NES: variants seen among roughly 807,000 people sequenced by gnomAD.
NES encodes nestin.
A neutral mutation model predicts 35.6 loss-of-function variants in NES; 27 were observed. The observed-to-expected ratio is 0.76, with a 90% CI of 0.56 to 1.04. The LOEUF (loss-of-function observed/expected upper bound fraction) is 1.04, where lower values mean the gene tolerates loss of function less well. Ranked by LOEUF, NES falls within the 50% of genes least tolerant of loss-of-function variation. The pLI, the probability that NES is intolerant of heterozygous loss-of-function variation, is 0.00. For synonymous variants in NES, 822 were observed against 824.2 expected (o/e 1.00, Z 0.04); for missense variants, 1,867 against 1,983.6 (o/e 0.94, Z 1.12).
At position 156,676,943 on chromosome 1, in the gene NES, C is replaced by T. The variant is rs765015477; in HGVS notation, c.322G>A (p.Glu108Lys). 7.1e-6 allele frequency: 11 copies of T among 1,554,506 alleles called. No individual in the cohort carries two copies. Among genetic ancestry groups the T allele is most frequent in the African/African-American group, 1.4e-5 (1 of 72,142 alleles). The change falls in exon 1 of 4, where the codon GAG becomes AAG. Residue 108 changes from glutamate (E) to lysine (K), a missense_variant. Physicochemically the swap from Glu to Lys is moderately conservative, Grantham distance 56. Coordinates refer to ENST00000368223, the MANE Select transcript of NES (RefSeq NM_006617.2). The surrounding 1 kb of genome is among the most constrained non-coding windows in gnomAD (Gnocchi z 5.3). ...ACGGCGCGCCGGTTGCGGGCTACCT[C>T]CTCCGTCGTCCGCTCCCGGGCCAGC... Reference protein sequence around the residue: ...LRLARERTTEEVARNRRAVEA... With the variant: ...LRLARERTTEKVARNRRAVEA...
Position 156,672,365 on chromosome 1 carries a change from T to G in NES, c.1823A>C (p.Lys608Thr). The change falls in exon 4 of 4, where the codon AAA becomes ACA. Residue 608 changes from lysine to threonine, a missense_variant. Coordinates refer to ENST00000368223, the MANE Select transcript of NES (RefSeq NM_006617.2). The part of the protein sequence containing the change: ...KDVEVVRPLE[K>T]EAVGQLKPTG... ...AGGCTTAAGTTGGCCTACAGCCTCT[T>G]TTTCTAGAGGTCTCACTACCTCCAC... 2.5e-6 allele frequency: 4 copies of G among 1,613,060 alleles called. No homozygotes were observed. Among genetic ancestry groups the G allele is most frequent in the Non-Finnish European group, 3.4e-6 (4 of 1,179,858 alleles).
At position 156,676,845 on chromosome 1, in the gene NES, T is replaced by C. The variant is rs1647309742; in HGVS notation, c.420A>G (p.Leu140=). The change falls in exon 1 of 4, where the codon CTA becomes CTG. Residue 140 remains leucine (L), a synonymous_variant. Coordinates refer to ENST00000368223, the MANE Select transcript of NES (RefSeq NM_006617.2). The surrounding 1 kb of genome is among the most constrained non-coding windows in gnomAD (Gnocchi z 5.3). ...VAELERELEA[L]RVAHEEERVG... ...CGCGCTCCTCCTCGTGCGCCACGCG[T>C]AGAGCCTCTAGCTCGCGCTCCAGCT... 6.7e-7 allele frequency: 1 copy of C among 1,492,508 alleles called. No homozygotes were observed. The highest frequency in any genetic ancestry group is 1.3e-5 in the South Asian group (1 of 76,104). The allele number at this position is 1,492,508 out of a possible 1,614,324, so 92.5% of individuals were successfully genotyped here. A position where few individuals can be genotyped will look rare whatever the true frequency, so the allele number is the denominator to read the frequency against.
chr1:156,672,573 C>T lies in NES; in HGVS notation c.1615G>A (p.Val539Ile), dbSNP rs780832107. The change falls in exon 4 of 4, where the codon GTT (valine) becomes ATT (isoleucine). Residue 539 changes from valine (V) to isoleucine (I), a missense_variant. By Grantham distance (29) the Val-to-Ile change is conservative. Coordinates refer to ENST00000368223, the MANE Select transcript of NES (RefSeq NM_006617.2). ...LNRKEIQDSQ[V>I]PLEKETLKSL... is the part of the protein sequence containing the mutation. Reference sequence around the variant, plus strand: ...TTCAGGGTTTCTTTTTCCAAAGGAACCTGGGAGTCCTGGATTTCCTTCCTG... The same window carrying T: ...TTCAGGGTTTCTTTTTCCAAAGGAATCTGGGAGTCCTGGATTTCCTTCCTG... The T allele has an allele frequency of 1.2e-6, 2 of 1,613,802 alleles. No homozygotes were observed. Among genetic ancestry groups the T allele is most frequent in the Admixed American group, 3.3e-5 (2 of 60,018 alleles).
chr1:156,671,254 T>C lies in NES; in HGVS notation c.2934A>G (p.Ala978=). Residue 978 remains alanine (A), a synonymous_variant, in exon 4 of 4, where the codon GCA becomes GCG. Transcript: ENST00000368223. ...CATCCTGCTCCCTCAGATTCAGCTCTGCCTCATCCTCATTTTCCACTCCAG... is the reference window on the plus strand; with the variant it reads ...CATCCTGCTCCCTCAGATTCAGCTCCGCCTCATCCTCATTTTCCACTCCAG... The part of the protein sequence containing the change: ...GMAGVENEDE[A]ELNLREQDGF... 2 of 1,614,176 alleles carry C rather than the reference T, an allele frequency of 1.2e-6. No individual in the cohort carries two copies. The highest frequency in any genetic ancestry group is 1.7e-6 in the Non-Finnish European group (2 of 1,180,026).
chr1:156,672,631 C>T lies in NES; in HGVS notation c.1557G>A (p.Leu519=), dbSNP rs529085482. 5.0e-6 allele frequency: 8 copies of T among 1,613,940 alleles called. No individual in the cohort carries two copies. The African/African-American group carries it at 5.3e-5, about 11-fold the overall frequency. ...CCTCTTCTTCCCATATTTCCTGCTG[C>T]AAGCTGCTTACCACTTTGCCCTCTA... is the stretch of plus-strand genomic sequence containing the variant. ...TAIEGKVVSS[L]QQEIWEEEDL... is the part of the protein sequence containing the mutation. Residue 519 remains leucine (L), a synonymous_variant, in exon 4 of 4, where the codon TTG becomes TTA. Coordinates refer to ENST00000368223, the MANE Select transcript of NES (RefSeq NM_006617.2).
In NES at chr1:156,670,999, T is replaced by G; in HGVS notation, c.3189A>C (p.Ile1063=). The stretch of plus-strand genomic sequence containing the variant: ...CCACATCATCTTCCACCAGGGGCTC[T>G]ATCGCCTCTGGCAGCCCCTGGGGAG... ...LQAPQGLPEA[I]EPLVEDDVAP... Residue 1063 remains isoleucine, a synonymous_variant, in exon 4 of 4, where the codon ATA becomes ATC. Transcript: ENST00000368223. The G allele has an allele frequency of 6.2e-7, 1 of 1,611,368 alleles. No homozygotes were observed. The highest frequency in any genetic ancestry group is 8.5e-7 in the Non-Finnish European group (1 of 1,179,098).
rs751569478 is a variant in NES, at chr1:156,669,304, C to T, written c.*18G>A. ...CCCCGCACCCCTAAGTCCCCAGTGC[C>T]GGGCAGATGGTCTTTTCCTAGTCCT... On this transcript the variant is annotated 3_prime_UTR_variant, in exon 4 of 4. Transcript: ENST00000368223. The T allele has an allele frequency of 7.9e-6, 12 of 1,520,052 alleles. No individual in the cohort carries two copies. The highest frequency in any genetic ancestry group is 4.1e-5 in the Admixed American group (2 of 48,586). The allele number at this position is 1,520,052 out of a possible 1,614,324, so 94.2% of individuals were successfully genotyped here.
At position 156,677,134 on chromosome 1, in the gene NES, C is replaced by A. The variant is rs1213149502; in HGVS notation, c.131G>T (p.Arg44Leu). ...ELLSAELGGL[R>L]AQSADTSWRA... ...CCAGGAGGTGTCCGCGGATTGTGCC[C>A]GGAGCCCCCCGAGCTCCGCGCTGAG... is the stretch of plus-strand genomic sequence containing the variant. Residue 44 changes from arginine to leucine, a missense_variant, in exon 1 of 4, where the codon CGG becomes CTG. Physicochemically the swap from Arg to Leu is moderately radical, Grantham distance 102. Transcript: ENST00000368223. The surrounding 1 kb of genome is among the most constrained non-coding windows in gnomAD (Gnocchi z 4.5). The A allele has an allele frequency of 6.2e-7, 1 of 1,608,852 alleles. No homozygotes were observed. Among genetic ancestry groups the A allele is most frequent in the Non-Finnish European group, 8.5e-7 (1 of 1,178,398 alleles).
Position 156,671,719 on chromosome 1 carries a change from T to A in NES, c.2469A>T (p.Thr823=), listed in dbSNP as rs769017144. ...ESVEAVKSLE[T]EILESLKSAG... is the part of the protein sequence containing the mutation. ...CAGACTTCAGTGATTCTAGGATCTC[T>A]GTTTCTAAAGATTTTACTGCCTCTA... The change falls in exon 4 of 4, where the codon ACA becomes ACT. Residue 823 remains threonine, a synonymous_variant. Transcript: ENST00000368223. 2.2e-5 allele frequency: 36 copies of A among 1,613,808 alleles called. No homozygotes were observed. Among genetic ancestry groups the A allele is most frequent in the Non-Finnish European group, 3.1e-5 (36 of 1,180,000 alleles).
rs1407404959 is a variant in NES, at chr1:156,670,518, T to C, written c.3670A>G (p.Thr1224Ala). 1.4e-5 allele frequency: 23 copies of C among 1,602,134 alleles called. No homozygotes were observed. The highest frequency in any genetic ancestry group is 1.9e-5 in the Non-Finnish European group (22 of 1,172,242). Reference protein sequence around the residue: ...VPPVLVSPSPTYTPILEDAPG... With the variant: ...VPPVLVSPSPAYTPILEDAPG... ...GCATCTTCCAGGATCGGGGTGTACGTTGGGCTGGGGGAGACCAGCACTGGT... is the reference window on the plus strand; with the variant it reads ...GCATCTTCCAGGATCGGGGTGTACGCTGGGCTGGGGGAGACCAGCACTGGT... The change falls in exon 4 of 4, where the codon ACG becomes GCG. Residue 1224 changes from threonine (T) to alanine (A), a missense_variant. Thr to Ala is a moderately conservative substitution (Grantham distance 58). Transcript: ENST00000368223.
chr1:156,670,613 A>G lies in NES; in HGVS notation c.3575T>C (p.Leu1192Pro). The G allele has an allele frequency of 6.2e-7, 1 of 1,613,786 alleles. No homozygotes were observed. Among genetic ancestry groups the G allele is most frequent in the Non-Finnish European group, 8.5e-7 (1 of 1,179,892 alleles). ...AGGGGCATCACTTCCAGTGTGGCCC[A>G]GGGTCTCAGCAGGGAACGCCTCCTC... ...GAEEAFPAETLGHTGSDAPSP... is the reference protein window; with the variant it reads ...GAEEAFPAETPGHTGSDAPSP... Residue 1192 changes from leucine (L) to proline (P), a missense_variant, in exon 4 of 4, where the codon CTG (leucine) becomes CCG (proline). Coordinates refer to ENST00000368223, the MANE Select transcript of NES (RefSeq NM_006617.2).
At position 156,670,857 on chromosome 1, in the gene NES, G is replaced by T. The variant is rs1450973082; in HGVS notation, c.3331C>A (p.Pro1111Thr). The stretch of plus-strand genomic sequence containing the variant: ...ACCTCTTCCCTGGTCAGATGGCCTG[G>T]GTCCCCCAGCCCTCCCACCCCCTGC... ...PGQGVGGLGD[P>T]GHLTREEVME... The change falls in exon 4 of 4, where the codon CCA becomes ACA. Residue 1111 changes from proline to threonine, a missense_variant. By Grantham distance (38) the Pro-to-Thr change is conservative. Transcript: ENST00000368223. 5.0e-6 allele frequency: 8 copies of T among 1,612,004 alleles called. No individual in the cohort carries two copies. Among genetic ancestry groups the T allele is most frequent in the Non-Finnish European group, 2.5e-6 (3 of 1,178,964 alleles).
chr1:156,670,379 TCC>T lies in NES; in HGVS notation c.3807_3808del (p.Glu1270AspfsTer20). On this transcript the variant is annotated frameshift_variant, in exon 4 of 4. Transcript: ENST00000368223. LOFTEE classifies it low-confidence loss of function (END_TRUNC). ...TTCCTCCTGGGGGCCCTCGGGGATC[TCC>T]CCAGAACCCAACTCCTCCTGCTCGC... The T allele has an allele frequency of 6.3e-7, 1 of 1,599,986 alleles. No homozygotes were observed.
Position 156,671,611 on chromosome 1 carries a change from T to C in NES, c.2577A>G (p.Ala859=), listed in dbSNP as rs891681437. ...GAATTTCCTTTTCTAGAGGATTCAT[T>C]GCCCCCTGATTTATTTCTTCTGGAG... ...LWTPEEINQG[A]MNPLEKEIQE... is the part of the protein sequence containing the mutation. The change falls in exon 4 of 4, where the codon GCA becomes GCG. Residue 859 remains alanine (A), a synonymous_variant. Coordinates refer to ENST00000368223, the MANE Select transcript of NES (RefSeq NM_006617.2). The C allele has an allele frequency of 2.5e-6, 4 of 1,614,024 alleles. No homozygotes were observed. In the Middle Eastern group the frequency reaches 6.6e-4, roughly 266 times the overall value.
rs1308873078 is a variant in NES, at chr1:156,671,654, G to C, written c.2534C>G (p.Thr845Ser). 6.2e-7 allele frequency: 1 copy of C among 1,613,724 alleles called. No individual in the cohort carries two copies. The highest frequency in any genetic ancestry group is 8.5e-7 in the Non-Finnish European group (1 of 1,179,950). ...ENLETLKSPETQAPLWTPEEI... is the reference protein window; with the variant it reads ...ENLETLKSPESQAPLWTPEEI... The stretch of plus-strand genomic sequence containing the variant: ...TTCTGGAGTCCACAGTGGTGCTTGA[G>C]TTTCTGGAGATTTCAGTGTTTCCAG... Residue 845 changes from threonine (T) to serine (S), a missense_variant, in exon 4 of 4, where the codon ACT (threonine) becomes AGT (serine). Thr to Ser is a moderately conservative substitution (Grantham distance 58, BLOSUM62 1). Coordinates refer to ENST00000368223, the MANE Select transcript of NES (RefSeq NM_006617.2).
Position 156,669,797 on chromosome 1 carries a change from C to G in NES, c.4391G>C (p.Ser1464Thr). 2 of 1,614,084 alleles carry G rather than the reference C, an allele frequency of 1.2e-6. No homozygotes were observed. Among genetic ancestry groups the G allele is most frequent in the African/African-American group, 1.3e-5 (1 of 75,010 alleles). ...RGEFLESDSV[S>T]VSVPWDDSLR... Reference sequence around the variant, plus strand: ...GCTGTCATCCCAGGGGACACTGACACTCACAGAATCAGACTCCAGGAATTC... The same window carrying G: ...GCTGTCATCCCAGGGGACACTGACAGTCACAGAATCAGACTCCAGGAATTC... Residue 1464 changes from serine to threonine, a missense_variant, in exon 4 of 4, where the codon AGT becomes ACT. Transcript: ENST00000368223.
Position 156,669,345 on chromosome 1 carries a change from ACT to A in NES, c.4841_4842del (p.Glu1614ValfsTer58), listed in dbSNP as rs1679647967. 2 of 1,579,102 alleles carry A rather than the reference ACT, an allele frequency of 1.3e-6. No individual in the cohort carries two copies. The highest frequency in any genetic ancestry group is 2.3e-5 in the East Asian group (1 of 44,132). ...TCCTAGTCCTCCCCTGAGGACCAGG[ACT>A]CTCTATCTCCTTCCCTCTGAGTGAA... ...LKFTQREGDR[E>X]SWSSGED On this transcript the variant is annotated frameshift_variant, in exon 4 of 4. Transcript: ENST00000368223. LOFTEE classifies it high-confidence loss of function.
Position 156,676,401 on chromosome 1 carries a change from C to G in NES, c.783+81G>C, listed in dbSNP as rs1387359624. ...AGCAGCCAGCTAGCCCCACTCCCTT[C>G]CCAGAAGGTCTCTGAGCTTCATAAG... On this transcript the variant is annotated intron_variant, in intron 1 of 3. Coordinates refer to ENST00000368223, the MANE Select transcript of NES (RefSeq NM_006617.2). The surrounding 1 kb of genome is among the most constrained non-coding windows in gnomAD (Gnocchi z 5.3). The G allele has an allele frequency of 1.1e-5, 16 of 1,446,038 alleles. No individual in the cohort carries two copies. The highest frequency in any genetic ancestry group is 1.7e-4 in the Middle Eastern group (1 of 5,750). The allele number at this position is 1,446,038 out of a possible 1,614,324, so 89.6% of individuals were successfully genotyped here.
At chr1:156,674,445 G>A (rs1679798276) in intron 2 of NES, among the ~76,000 whole-genome samples, 1 of 151,962 alleles carries the variant, frequency 6.6e-6, no homozygotes, top group Admixed American at 6.6e-5. Flanking sequence ...GAGCCTCACT[G>A]ACCTTCCATC....
Sources: gnomAD v4.1 joint callset for allele counts (sites outside exome capture counted in the v4.1 genomes callset) on GRCh38, gnomAD v4.1.1 for gene constraint, Gnocchi (gnomAD v3.1) non-coding constraint, MANE v1.5 for transcripts, NCBI Gene and HGNC (gene_info 2026-07-23, HGNC 2026-07-21) for gene names.